Variants in APLF observed in about 807,000 individuals in gnomAD.
APLF encodes the protein aprataxin and PNK-like factor.
APLF carries 61 observed loss-of-function variants against 55.6 expected under a neutral mutation model. The observed-to-expected ratio is 1.10, with a 90% CI of 0.89 to 1.36. The LOEUF (loss-of-function observed/expected upper bound fraction) is 1.36, where lower values mean the gene tolerates loss of function less well. Among genes scored for constraint, APLF ranks in the 40% most tolerant of loss-of-function variants. The pLI is 0.00. For missense variants in APLF, 611 were observed against 602.5 expected, an observed-to-expected ratio of 1.01 and a Z score of -0.15; for synonymous variants, 207 against 214.8, an observed-to-expected ratio of 0.96 and a Z score of 0.32.
At chr2:68,480,895 G>A (rs1293426472) in intron 1 of APLF, among the ~76,000 whole-genome samples, 1 of 152,048 alleles carries the variant, frequency 6.6e-6, no homozygotes, top group Non-Finnish European at 1.5e-5. Context: ...TAATTCTGTT[G>A]ATGTGATATA....
At chr2:68,475,402 T>C (rs936204085) in intron 1 of APLF, among the ~76,000 whole-genome samples, 1 of 152,230 alleles carries the variant, frequency 6.6e-6, no homozygotes, top group Non-Finnish European at 1.5e-5. Flanking sequence ...TTGGATTTGC[T>C]TTTTAAAATC....
At chr2:68,552,685 C>T (rs1304099636) in intron 8 of APLF, among the ~76,000 whole-genome samples, 2 of 151,980 alleles carry the variant, frequency 1.3e-5, no homozygotes, top group Non-Finnish European at 2.9e-5. Context: ...AATACAAAGC[C>T]TTGCTTAGGA....
chr2:68,542,807 G>T (rs1333827724), intron 7 of APLF, among the ~76,000 whole-genome samples: 3 of 151,974 alleles, frequency 2.0e-5, no homozygotes, highest in African/African-American at 4.8e-5. Flanking sequence ...TCCACTTCTG[G>T]GTATATATCC....
chr2:68,563,123 C>A (rs1477866377), intron 8 of APLF: 2 of 985,132 alleles, frequency 2.0e-6, no homozygotes, highest in East Asian at 1.1e-4. Flanking sequence ...AGTTGAAAAA[C>A]ACCAACTCAG....
intron 9 of APLF, among the ~76,000 whole-genome samples, chr2:68,571,863 A>G (rs74900001): frequency 1.3e-5 from 2 of 152,268 alleles, no homozygotes; most frequent in African/African-American, 4.8e-5. Flanking sequence ...CCTGTTGACA[A>G]CATTTAAAGG....
chr2:68,498,021 G>A (rs1032896322), intron 2 of APLF, among the ~76,000 whole-genome samples: 1 of 152,162 alleles, frequency 6.6e-6, no homozygotes, highest in African/African-American at 2.4e-5. Context: ...GCAGCTTATT[G>A]TAGCTGCACT....
intron 2 of APLF, among the ~76,000 whole-genome samples, chr2:68,493,625 A>G (rs1015936727): frequency 2.0e-5 from 3 of 152,238 alleles, no homozygotes; most frequent in African/African-American, 4.8e-5. Context: ...TAGGCCATTC[A>G]TGCATTGACA....
intron 2 of APLF, among the ~76,000 whole-genome samples, chr2:68,497,406 C>T (rs996477145): frequency 2.6e-5 from 4 of 151,882 alleles, no homozygotes; most frequent in Non-Finnish European, 5.9e-5. Context: ...AGTGAGTTCT[C>T]ACGACATCTG....
intron 8 of APLF, among the ~76,000 whole-genome samples, chr2:68,547,665 A>G (rs2104022312): frequency 6.6e-6 from 1 of 151,846 alleles, no homozygotes; most frequent in East Asian, 1.9e-4. Flanking sequence ...ATAAAATTTG[A>G]CCCTTATATC....
intron 8 of APLF, among the ~76,000 whole-genome samples, chr2:68,548,749 A>C (rs1670778359): frequency 6.6e-6 from 1 of 151,810 alleles, no homozygotes; most frequent in African/African-American, 2.4e-5. Flanking sequence ...TCATTTGTTA[A>C]AAAAAAACTT....
At chr2:68,526,025 G>A (rs745687595) in intron 5 of APLF, 36 bp from the exon 6 acceptor site, 5 of 1,550,966 alleles carry the variant, frequency 3.2e-6, no homozygotes. Context: ...TGAAGATACA[G>A]AAGATAATTT....
Position 68,577,820 on chromosome 2 carries a change from T to G in APLF, c.1334T>G (p.Val445Gly), listed in dbSNP as rs1558559286. Residue 445 changes from valine (V) to glycine (G), a missense_variant and splice_region_variant, in exon 10 of 10, where the codon GTG becomes GGG. Val to Gly is a moderately radical substitution (Grantham distance 109). Transcript: ENST00000303795. ...KIEYRHNTLP[V>G]RNVLDEDNDN... ...TGTGTACCAATCTTCTGTTTTGCAG[T>G]GAGAAATGTTTTAGATGAAGATAAT... 4 of 1,612,842 alleles carry G rather than the reference T, an allele frequency of 2.5e-6. No homozygotes were observed. The highest frequency in any genetic ancestry group is 1.7e-5 in the Admixed American group (1 of 59,900).
chr2:68,536,914 C>A (rs1007529562), intron 6 of APLF, among the ~76,000 whole-genome samples: 1 of 150,358 alleles, frequency 6.7e-6, no homozygotes, highest in Non-Finnish European at 1.5e-5. Flanking sequence ...TGCCTGTAAT[C>A]CCAACACTTT....
intron 5 of APLF, among the ~76,000 whole-genome samples, chr2:68,518,484 TAAC>T (rs1249907442): frequency 8.7e-6 from 1 of 115,528 alleles, no homozygotes; most frequent in African/African-American, 3.6e-5. Context: ...TAATACATAA[TAAC>T]ATTAATAATA....
intron 1 of APLF, among the ~76,000 whole-genome samples, chr2:68,486,076 TG>T (rs1192544495): frequency 6.6e-6 from 1 of 152,112 alleles, no homozygotes; most frequent in Non-Finnish European, 1.5e-5. Context: ...ATGCTCGAAT[TG>T]TTCTAAATTT....
At chr2:68,481,034 T>G (rs1675933871) in intron 1 of APLF, among the ~76,000 whole-genome samples, 1 of 152,200 alleles carries the variant, frequency 6.6e-6, no homozygotes, top group Non-Finnish European at 1.5e-5. Context: ...TGAGGATTTT[T>G]GAATCTATAT....
intron 8 of APLF, among the ~76,000 whole-genome samples, chr2:68,558,568 T>C (rs1347365924): frequency 6.6e-6 from 1 of 152,244 alleles, no homozygotes; most frequent in Admixed American, 6.5e-5. Context: ...TGGGTAAATA[T>C]TGAGCATCTA....
intron 9 of APLF, among the ~76,000 whole-genome samples, chr2:68,575,488 T>G (rs1265023007): frequency 6.6e-6 from 1 of 152,098 alleles, no homozygotes; most frequent in East Asian, 1.9e-4. Context: ...TGACTTTTTT[T>G]TGTGAAGAAT....
intron 1 of APLF, 43 bp downstream of exon 1, chr2:68,467,870 G>C: frequency 8.2e-7 from 1 of 1,222,288 alleles, no homozygotes; most frequent in Non-Finnish European, 1.0e-6. Context: ...GAGCCGTGGA[G>C]TTCCGCGCCG....
Sources: allele counts gnomAD v4.1 joint callset (sites outside exome capture counted in the v4.1 genomes callset), GRCh38; gene constraint gnomAD v4.1.1; transcripts MANE v1.5; gene names NCBI Gene and HGNC (gene_info 2026-07-23, HGNC 2026-07-21).